The following MIOS variants were observed in gnomAD, a reference collection of about 807,000 sequenced individuals.
The protein encoded by MIOS is meiosis regulator for oocyte development.
A neutral mutation model predicts 96.9 loss-of-function variants in MIOS; 52 were observed. The ratio of observed to expected loss-of-function variants is 0.54; its 90% CI spans 0.43 to 0.68. The LOEUF (loss-of-function observed/expected upper bound fraction) is 0.68. Ranked by LOEUF, MIOS falls within the 30% of genes least tolerant of loss-of-function variation. The pLI, the probability that MIOS is intolerant of heterozygous loss-of-function variation, is 0.00. For synonymous variants in MIOS, 397 were observed against 359.5 expected, an observed-to-expected ratio of 1.10 and a Z score of -1.18; for missense variants, 1,005 against 1,052.8, an observed-to-expected ratio of 0.95 and a Z score of 0.63.
At position 7,573,692 on chromosome 7, in the gene MIOS, C is replaced by G. The variant is rs767542715; in HGVS notation, c.1217C>G (p.Thr406Arg). The change falls in exon 4 of 13, where the codon ACA becomes AGA. Residue 406 changes from threonine (T) to arginine (R), a missense_variant. Thr to Arg is a moderately conservative substitution (Grantham distance 71). Transcript: ENST00000340080. This position sits in a 1 kb window ranked among gnomAD's most constrained non-coding sequence, Gnocchi z 5.0. ...LRALSRYGLD[T>R]EQVWRNHILA... ...GCTTTATCAAGGTATGGACTTGATA[C>G]AGAGCAGGTGTGGAGGAACCACATT... 6.2e-7 allele frequency: 1 copy of G among 1,613,822 alleles called. No individual in the cohort carries two copies. Among genetic ancestry groups the G allele is most frequent in the South Asian group, 1.1e-5 (1 of 91,070 alleles).
At chr7:7,588,455 A>G (rs779272515) in intron 7 of MIOS, 43 bp from the exon 8 acceptor site, 1 of 1,305,804 alleles carries the variant, frequency 7.7e-7, no homozygotes, top group Admixed American at 2.3e-5. Flanking sequence ...ATTTAAAACC[A>G]GTGCGCCTAG....
chr7:7,605,032 C>CA (rs1163829718), intron 11 of MIOS: 7 of 152,096 alleles, frequency 4.6e-5, no homozygotes, highest in Non-Finnish European at 1.0e-4. Flanking sequence ...ATATCATTAG[C>CA]AAAAACGGAT....
At chr7:7,599,799 A>G (rs896140781) in intron 11 of MIOS, among the ~76,000 whole-genome samples, 2 of 152,214 alleles carry the variant, frequency 1.3e-5, no homozygotes, top group Admixed American at 6.5e-5. Flanking sequence ...ATCAACTTCA[A>G]TGCCCATCAG....
rs917246597 is a variant in MIOS at position 7,608,784 on chromosome 7, A to G, written c.*1692A>G. Reference sequence around the variant, plus strand: ...TAAAGTAAAATGTAAAATTATCTCAAATAGTTACAAGTTTTGGAAATACAG... The same window carrying G: ...TAAAGTAAAATGTAAAATTATCTCAGATAGTTACAAGTTTTGGAAATACAG... On this transcript the variant is annotated 3_prime_UTR_variant, in exon 13 of 13. Transcript: ENST00000340080. 8.5e-5 allele frequency: 13 copies of G among 152,072 alleles called. No individual in the cohort carries two copies. Among genetic ancestry groups the G allele is most frequent in the Non-Finnish European group, 1.6e-4 (11 of 67,960 alleles). The allele number at this position is 152,072 out of a possible 1,614,324, so 9.4% of individuals were successfully genotyped here.
intron 3 of MIOS, among the ~76,000 whole-genome samples, chr7:7,569,879 G>T (rs758942206): frequency 3.9e-5 from 6 of 152,114 alleles, no homozygotes; most frequent in Non-Finnish European, 8.8e-5. Context: ...AGGGAGGAGG[G>T]TATATACTCT....
intron 11 of MIOS, among the ~76,000 whole-genome samples, chr7:7,597,202 T>C (rs1457881701): frequency 6.6e-6 from 1 of 151,562 alleles, no homozygotes; most frequent in Non-Finnish European, 1.5e-5. Context: ...GGCACACACC[T>C]GTAGTCCCAG....
chr7:7,594,332 A>T (rs1314755372), intron 9 of MIOS, among the ~76,000 whole-genome samples: 2 of 149,466 alleles, frequency 1.3e-5, no homozygotes, highest in African/African-American at 4.9e-5. Context: ...TTTTAAATGG[A>T]GTCTCATTCT....
At chr7:7,596,152 G>A in intron 10 of MIOS, 105 bp from the exon 11 acceptor site, 1 of 994,220 alleles carries the variant, frequency 1.0e-6, no homozygotes, top group Non-Finnish European at 1.4e-6. Context: ...ATAAAATAAA[G>A]TTTTTTAAAA....
At chr7:7,606,193 C>T in intron 12 of MIOS, 122 bp downstream of exon 12, 2 of 1,285,770 alleles carry the variant, frequency 1.6e-6, no homozygotes, top group Non-Finnish European at 2.1e-6. Flanking sequence ...TTTTTACTGT[C>T]ACTCATGTTA....
At chr7:7,582,887 A>G (rs534073583) in intron 5 of MIOS, 1 of 469,522 alleles carries the variant, frequency 2.1e-6, no homozygotes, top group South Asian at 3.8e-5. Flanking sequence ...AGTTTAGTCC[A>G]TCTGAGCATT....
At chr7:7,580,411 C>G (rs955336797) in intron 5 of MIOS, among the ~76,000 whole-genome samples, 3 of 152,076 alleles carry the variant, frequency 2.0e-5, no homozygotes, top group African/African-American at 7.2e-5. Context: ...TGGAAGTTTC[C>G]TCTTAACTCC....
At chr7:7,601,338 GAAGAA>G (rs1353600621) in intron 11 of MIOS, among the ~76,000 whole-genome samples, 7 of 150,750 alleles carry the variant, frequency 4.6e-5, no homozygotes, top group Non-Finnish European at 1.0e-4. Context: ...GACTAATAAA[GAAGAA>G]AAGAGAGAAA....
intron 9 of MIOS, among the ~76,000 whole-genome samples, chr7:7,591,753 C>T (rs1393640910): frequency 6.6e-6 from 1 of 151,768 alleles, no homozygotes; most frequent in Non-Finnish European, 1.5e-5. Context: ...TCATTTTATC[C>T]TGTTTGTGGT....
At chr7:7,583,448 G>C in intron 6 of MIOS, 76 bp downstream of exon 6, 1 of 1,389,808 alleles carries the variant, frequency 7.2e-7, no homozygotes, top group South Asian at 1.8e-5. Flanking sequence ...AAGAAAAGAG[G>C]CTAATAATTT....
At position 7,607,736 on chromosome 7, in the gene MIOS, A is replaced by C. The variant is rs1428057581; in HGVS notation, c.*644A>C. The C allele has an allele frequency of 2.6e-5, 4 of 152,104 alleles. No individual in the cohort carries two copies. Among genetic ancestry groups the C allele is most frequent in the Non-Finnish European group, 4.4e-5 (3 of 68,004 alleles). 9.4% of individuals were successfully genotyped at this position (152,104 alleles called of 1,614,324 possible). On this transcript the variant is annotated 3_prime_UTR_variant, in exon 13 of 13. Transcript: ENST00000340080. ...TTAAGATAAGCAATCTTTTGGCATA[A>C]CATTATCGTCTTCCTAGAAAAGCCA...
intron 10 of MIOS, among the ~76,000 whole-genome samples, chr7:7,595,915 C>T (rs1032974732): frequency 9.2e-5 from 14 of 152,158 alleles, no homozygotes; most frequent in Non-Finnish European, 1.9e-4. Flanking sequence ...AAGATTATAT[C>T]ACTGAACTGT....
chr7:7,584,885 G>A (rs1288121428), intron 6 of MIOS, among the ~76,000 whole-genome samples: 1 of 152,162 alleles, frequency 6.6e-6, no homozygotes, highest in Admixed American at 6.6e-5. Flanking sequence ...AAGAACAAAT[G>A]TTTAAAAGAC....
chr7:7,590,119 T>C (rs969314832), intron 9 of MIOS, among the ~76,000 whole-genome samples: 1 of 152,214 alleles, frequency 6.6e-6, no homozygotes, highest in African/African-American at 2.4e-5. Context: ...TCTCCTGAGA[T>C]TTCCTGTAGC....
At position 7,573,334 on chromosome 7, in the gene MIOS, A is replaced by T. The variant is rs1380717896; in HGVS notation, c.859A>T (p.Thr287Ser). ...TAGGACTGGTCTACTTGCCACTTTA[A>T]CAAGGGATAGTAATATTATTAGATT... is the stretch of plus-strand genomic sequence containing the variant. The part of the protein sequence containing the change: ...PTRTGLLATL[T>S]RDSNIIRLYD... Residue 287 changes from threonine to serine, a missense_variant, in exon 4 of 13, where the codon ACA (threonine) becomes TCA (serine). Thr to Ser is a moderately conservative substitution (Grantham distance 58). Around this residue, in one of 3 missense-constraint regions of MIOS, gnomAD observed 865 missense variants for 887.9 expected, o/e 0.97. Coordinates refer to ENST00000340080, the MANE Select transcript of MIOS (RefSeq NM_019005.4). This position sits in a 1 kb window ranked among gnomAD's most constrained non-coding sequence, Gnocchi z 5.0. 2 of 1,614,046 alleles carry T rather than the reference A, an allele frequency of 1.2e-6. No homozygotes were observed. The highest frequency in any genetic ancestry group is 3.3e-5 in the Admixed American group (2 of 60,004).
Sources: gnomAD v4.1 joint callset for allele counts (sites outside exome capture counted in the v4.1 genomes callset) on GRCh38, gnomAD v4.1.1 for gene constraint, gnomAD v4.1.1 regional missense constraint, Gnocchi (gnomAD v3.1) non-coding constraint, MANE v1.5 for transcripts, NCBI Gene and HGNC (gene_info 2026-07-23, HGNC 2026-07-21) for gene names.